IQCM: variants seen among roughly 807,000 people sequenced by gnomAD.
The protein encoded by IQCM is IQ domain-containing protein M.
A neutral mutation model predicts 57.6 loss-of-function variants in IQCM; 45 were observed. The observed-to-expected ratio is 0.78, with a 90% CI of 0.62 to 1.00. The LOEUF is 1.00. Ranked by LOEUF, IQCM falls within the 50% of genes least tolerant of loss-of-function variation. The probability of loss-of-function intolerance (pLI) is 0.00; values close to 1 mark genes in which losing one functional copy is unlikely to be tolerated. For synonymous variants in IQCM, 148 were observed against 158.9 expected (o/e 0.93, Z 0.51); for missense variants, 468 against 511.6 (o/e 0.91, Z 0.82).
chr4:149,384,037 A>G (rs1731252863), intron 13 of IQCM, among the ~76,000 whole-genome samples: 1 of 152,192 alleles, frequency 6.6e-6, no homozygotes, highest in African/African-American at 2.4e-5. Flanking sequence ...AAAATCATGT[A>G]GGACAGATGA....
chr4:149,711,604 G>C (rs1764564552), intron 5 of IQCM, among the ~76,000 whole-genome samples: 2 of 152,154 alleles, frequency 1.3e-5, no homozygotes, highest in Non-Finnish European at 2.9e-5. Context: ...CAATAAAGCA[G>C]TGGAAGCATT....
intron 7 of IQCM, among the ~76,000 whole-genome samples, chr4:149,632,648 A>G (rs1757367636): frequency 6.6e-6 from 1 of 152,178 alleles, no homozygotes; most frequent in African/African-American, 2.4e-5. Flanking sequence ...AGCCCTGCTT[A>G]TATTTATATA....
chr4:149,801,706 G>A (rs769063481), intron 2 of IQCM, among the ~76,000 whole-genome samples: 40 of 151,742 alleles, frequency 2.6e-4, no homozygotes, highest in Non-Finnish European at 4.7e-4. Context: ...TTGAACCCAC[G>A]GACATAGAGA....
chr4:149,541,155 G>A (rs890503137), intron 12 of IQCM, among the ~76,000 whole-genome samples: 1 of 152,130 alleles, frequency 6.6e-6, no homozygotes, highest in African/African-American at 2.4e-5. Flanking sequence ...TGGTAAAGGA[G>A]CAGAAAATGC....
intron 5 of IQCM, among the ~76,000 whole-genome samples, chr4:149,695,153 C>A (rs1370215657): frequency 6.6e-6 from 1 of 152,148 alleles, no homozygotes; most frequent in Non-Finnish European, 1.5e-5. Flanking sequence ...CCTCACTAGA[C>A]TGTGAACTCT....
At chr4:149,475,634 G>C (rs529838963) in intron 12 of IQCM, among the ~76,000 whole-genome samples, 118 of 152,146 alleles carry the variant, frequency 7.8e-4, no homozygotes, top group South Asian at 1.5e-3. Flanking sequence ...GTAGCACTGA[G>C]GGGGGAAGAA....
chr4:149,726,138 A>AGAAAGAAG (rs1765915399), intron 5 of IQCM, among the ~76,000 whole-genome samples: 1 of 146,330 alleles, frequency 6.8e-6, no homozygotes, highest in Admixed American at 6.8e-5. Flanking sequence ...AAAGAAAGAA[A>AGAAAGAAG]GAAAAGAAAG....
intron 12 of IQCM, among the ~76,000 whole-genome samples, chr4:149,493,656 T>C (rs2149780105): frequency 6.6e-6 from 1 of 152,222 alleles, no homozygotes; most frequent in African/African-American, 2.4e-5. Context: ...CTCCCAGCAA[T>C]CAGTACTTTT....
At chr4:149,353,763 G>C (rs1406638904) in intron 13 of IQCM, among the ~76,000 whole-genome samples, 1 of 152,106 alleles carries the variant, frequency 6.6e-6, no homozygotes, top group Admixed American at 6.5e-5. Context: ...AATCAAATTG[G>C]TTACTAGAGG....
chr4:149,619,601 A>T (rs966943870), intron 8 of IQCM, among the ~76,000 whole-genome samples: 12 of 152,224 alleles, frequency 7.9e-5, no homozygotes, highest in African/African-American at 1.2e-4. Flanking sequence ...ACAGAAAAAA[A>T]TAAAAATCCA....
chr4:149,408,052 G>A (rs1733108253), intron 13 of IQCM, among the ~76,000 whole-genome samples: 1 of 151,898 alleles, frequency 6.6e-6, no homozygotes, highest in African/African-American at 2.4e-5. Context: ...GGTGGAAGAT[G>A]GTGGTTCTTA....
chr4:149,614,749 C>T (rs1755630299), intron 8 of IQCM, among the ~76,000 whole-genome samples: 1 of 152,140 alleles, frequency 6.6e-6, no homozygotes, highest in Non-Finnish European at 1.5e-5. Flanking sequence ...GCCAAAAAAT[C>T]TGATAGTGTT....
At chr4:149,584,336 G>A (rs1475174443) in intron 9 of IQCM, among the ~76,000 whole-genome samples, 1 of 151,442 alleles carries the variant, frequency 6.6e-6, no homozygotes, top group African/African-American at 2.4e-5. Flanking sequence ...AAAATATTGA[G>A]GAAGTAGAAA....
chr4:149,384,217 G>A (rs1731264427), intron 13 of IQCM, among the ~76,000 whole-genome samples: 2 of 150,550 alleles, frequency 1.3e-5, no homozygotes, highest in Non-Finnish European at 3.0e-5. Flanking sequence ...ATCAGAAGAG[G>A]CCACCCCAAA....
intron 5 of IQCM, among the ~76,000 whole-genome samples, chr4:149,723,104 T>C (rs1353191365): frequency 1.3e-5 from 2 of 152,080 alleles, no homozygotes; most frequent in East Asian, 1.9e-4. Context: ...TGTTGGTGTA[T>C]AGCAGTGCTA....
At chr4:149,469,335 T>C (rs1739241515) in intron 12 of IQCM, among the ~76,000 whole-genome samples, 1 of 152,126 alleles carries the variant, frequency 6.6e-6, no homozygotes, top group Admixed American at 6.6e-5. Flanking sequence ...ATCCACAAGC[T>C]TCAGCAGCTG....
At chr4:149,785,623 G>A (rs1000620892) in intron 2 of IQCM, among the ~76,000 whole-genome samples, 2 of 151,036 alleles carry the variant, frequency 1.3e-5, no homozygotes, top group African/African-American at 4.9e-5. Context: ...TCAACTTTAA[G>A]CATGAAATTG....
At chr4:149,660,262 C>A (rs1344621959) in intron 7 of IQCM, among the ~76,000 whole-genome samples, 1 of 151,948 alleles carries the variant, frequency 6.6e-6, no homozygotes, top group Non-Finnish European at 1.5e-5. Context: ...CAGAGAAATG[C>A]AAATCAAAAC....
intron 2 of IQCM, among the ~76,000 whole-genome samples, chr4:149,781,236 T>C (rs1771575507): frequency 6.6e-6 from 1 of 152,212 alleles, no homozygotes. Context: ...TTGCTTTCTG[T>C]GGTTTCAGTT....
Sources: allele counts gnomAD v4.1 joint callset (sites outside exome capture counted in the v4.1 genomes callset), GRCh38; gene constraint gnomAD v4.1.1; transcripts MANE v1.5; gene names NCBI Gene and HGNC (gene_info 2026-07-23, HGNC 2026-07-21).